The following IQCM variants were observed in gnomAD, a reference collection of about 807,000 sequenced individuals.
IQCM encodes the protein IQ domain-containing protein M.
Under a neutral mutation model 57.6 loss-of-function variants are expected in IQCM, and 45 were observed. The ratio of observed to expected loss-of-function variants is 0.78; its 90% CI spans 0.62 to 1.00. The LOEUF (loss-of-function observed/expected upper bound fraction) is 1.00, where lower values mean the gene tolerates loss of function less well. IQCM is among the 50% of genes least tolerant of loss of function. IQCM has a pLI of 0.00. For synonymous variants in IQCM, 148 were observed against 158.9 expected (o/e 0.93, Z 0.51); for missense variants, 468 against 511.6 (o/e 0.91, Z 0.82).
intron 9 of IQCM, among the ~76,000 whole-genome samples, chr4:149,575,678 T>C (rs1325547138): frequency 6.6e-6 from 1 of 151,856 alleles, no homozygotes; most frequent in Non-Finnish European, 1.5e-5. Flanking sequence ...AACTAGATCA[T>C]ATCAAAGGAT....
At chr4:149,619,131 T>TATATATATATATATATATATATACAC (rs1491165190) in intron 8 of IQCM, among the ~76,000 whole-genome samples, 7 of 142,052 alleles carry the variant, frequency 4.9e-5, no homozygotes, top group African/African-American at 2.0e-4. Context: ...TATATATATA[T>TATATATATATATATATATATATACAC]ACACCATGGA....
intron 12 of IQCM, among the ~76,000 whole-genome samples, chr4:149,521,086 A>G (rs1227935939): frequency 2.0e-5 from 3 of 152,140 alleles, no homozygotes; most frequent in East Asian, 1.9e-4. Context: ...GTTCTTACCC[A>G]AAGTGTCATC....
chr4:149,807,001 A>C (rs770665294), intron 2 of IQCM, among the ~76,000 whole-genome samples: 6 of 152,018 alleles, frequency 3.9e-5, no homozygotes, highest in Non-Finnish European at 7.4e-5. Context: ...CTGATAAAAT[A>C]AATTGAAGAG....
intron 8 of IQCM, among the ~76,000 whole-genome samples, chr4:149,593,996 CT>C (rs1358968081): frequency 6.6e-6 from 1 of 152,150 alleles, no homozygotes; most frequent in East Asian, 1.9e-4. Flanking sequence ...AGGATTCCCT[CT>C]TTTTCTATTG....
chr4:149,433,740 TA>T (rs1333696816), intron 12 of IQCM, among the ~76,000 whole-genome samples, 183 bp from the exon 13 acceptor site: 6 of 151,988 alleles, frequency 3.9e-5, no homozygotes, highest in African/African-American at 1.4e-4. Context: ...AAGCAAAAAC[TA>T]AAGAGTAAGG....
chr4:149,438,690 G>T (rs1257669211), intron 12 of IQCM, among the ~76,000 whole-genome samples: 1 of 152,036 alleles, frequency 6.6e-6, no homozygotes, highest in African/African-American at 2.4e-5. Flanking sequence ...AAGGAAATGT[G>T]AATCCAAAGC....
intron 12 of IQCM, 32 bp from the exon 13 acceptor site, chr4:149,433,589 T>C: frequency 1.1e-6 from 1 of 937,682 alleles, no homozygotes; most frequent in Non-Finnish European, 1.4e-6. Flanking sequence ...TATAAAATTT[T>C]AGACATTTTA....
chr4:149,630,306 C>T (rs373488304), intron 7 of IQCM, among the ~76,000 whole-genome samples: 1 of 152,150 alleles, frequency 6.6e-6, no homozygotes. Flanking sequence ...GACTGTGTCC[C>T]GGGCACTGTT....
rs1214100266 is a variant in IQCM, at chr4:149,454,827, G to C, written c.1229-21270C>G. On this transcript the variant is annotated intron_variant, in intron 12 of 13. Coordinates refer to ENST00000636793, the MANE Select transcript of IQCM (RefSeq NM_001363507.2). ...TCATAGAGGCAGAAAGTTGATTAGT[G>C]GTTACCCAAGATTAAGGGATGGGGG... 2.0e-5 allele frequency among the ~76,000 whole-genome samples: 3 copies of C among 151,966 alleles called. No homozygotes were observed. The South Asian group carries it at 6.2e-4, about 31-fold the overall frequency.
chr4:149,535,524 C>A (rs558387019), intron 12 of IQCM, among the ~76,000 whole-genome samples: 8 of 152,120 alleles, frequency 5.3e-5, no homozygotes, highest in Admixed American at 3.3e-4. Context: ...AAAAGTCCTG[C>A]TCTCTAACAG....
At chr4:149,582,755 T>C (rs1353368953) in intron 9 of IQCM, among the ~76,000 whole-genome samples, 3 of 151,656 alleles carry the variant, frequency 2.0e-5, no homozygotes, top group Admixed American at 6.6e-5. Context: ...ATGTTTAGGA[T>C]AGGCACTGAC....
chr4:149,452,006 CT>C (rs1294705948), intron 12 of IQCM, among the ~76,000 whole-genome samples: 12 of 151,760 alleles, frequency 7.9e-5, no homozygotes, highest in African/African-American at 2.4e-4. Context: ...AAACAAGTGA[CT>C]TTAGTCAGCT....
In IQCM at chr4:149,451,097, G is replaced by C. The variant is rs113684264; in HGVS notation, c.1229-17540C>G. Reference sequence around the variant, plus strand: ...AAATAAGCCAGGCCAAAAAGGCAAAGATCACATGTTCTTACTTAGTTGTGG... The same window carrying C: ...AAATAAGCCAGGCCAAAAAGGCAAACATCACATGTTCTTACTTAGTTGTGG... On this transcript the variant is annotated intron_variant, in intron 12 of 13. Transcript: ENST00000636793. Among the ~76,000 whole-genome samples the C allele has an allele frequency of 7.7e-4, 117 of 151,880 alleles. 1 individual carries two copies. In the South Asian group the frequency reaches 0.015, roughly 20 times the overall value.
chr4:149,450,708 A>T (rs1461910515), intron 12 of IQCM, among the ~76,000 whole-genome samples: 1 of 151,866 alleles, frequency 6.6e-6, no homozygotes, highest in African/African-American at 2.4e-5. Flanking sequence ...GACAGGCAAC[A>T]ACAAATGCTG....
At chr4:149,680,451 A>G (rs1370885809) in intron 7 of IQCM, among the ~76,000 whole-genome samples, 1 of 151,212 alleles carries the variant, frequency 6.6e-6, no homozygotes, top group African/African-American at 2.4e-5. Flanking sequence ...TTATTTTCTC[A>G]ATTTCTTTTT....
At chr4:149,735,817 T>C (rs1370731497) in intron 3 of IQCM, among the ~76,000 whole-genome samples, 1 of 152,192 alleles carries the variant, frequency 6.6e-6, no homozygotes, top group Non-Finnish European at 1.5e-5. Context: ...CAAGAGTATT[T>C]ACCTTCCAAC....
chr4:149,538,894 A>G (rs867832577), intron 12 of IQCM, among the ~76,000 whole-genome samples: 82 of 151,878 alleles, frequency 5.4e-4, no homozygotes, highest in African/African-American at 1.8e-3. Context: ...CAGCCTGGGG[A>G]AAAAAAATGC....
chr4:149,798,124 T>C (rs1773281812), intron 2 of IQCM, among the ~76,000 whole-genome samples: 1 of 151,630 alleles, frequency 6.6e-6, no homozygotes, highest in East Asian at 1.9e-4. Flanking sequence ...AAATAATAAC[T>C]ACAACAACTT....
intron 2 of IQCM, among the ~76,000 whole-genome samples, chr4:149,768,405 G>A (rs887736840): frequency 6.6e-6 from 1 of 151,920 alleles, no homozygotes; most frequent in African/African-American, 2.4e-5. Flanking sequence ...TCCTGTCATT[G>A]GATTATGGAT....
Sources: gnomAD v4.1 joint callset for allele counts (sites outside exome capture counted in the v4.1 genomes callset) on GRCh38, gnomAD v4.1.1 for gene constraint, MANE v1.5 for transcripts, NCBI Gene and HGNC (gene_info 2026-07-23, HGNC 2026-07-21) for gene names.